Variants in KCNG3 observed in about 807,000 individuals in gnomAD.
KCNG3 encodes the protein potassium voltage-gated channel modifier subfamily G member 3, also known as voltage-gated potassium channel regulatory subunit KCNG3.
KCNG3 carries 15 observed loss-of-function variants against 29.0 expected under a neutral mutation model. The observed-to-expected ratio is 0.52, with a 90% CI of 0.35 to 0.80. The LOEUF (loss-of-function observed/expected upper bound fraction) is 0.80. KCNG3 is among the 30% of genes least tolerant of loss of function. KCNG3 has a pLI of 0.01. For synonymous variants in KCNG3, 322 were observed against 248.9 expected (o/e 1.29, Z -2.76); for missense variants, 512 against 605.7 (o/e 0.85, Z 1.62).
intron 1 of KCNG3, among the ~76,000 whole-genome samples, chr2:42,473,047 A>G (rs991858567): frequency 1.3e-5 from 2 of 150,822 alleles, no homozygotes; most frequent in Non-Finnish European, 3.0e-5. Flanking sequence ...GACTACAGGC[A>G]CCCGCCACCA....
chr2:42,470,391 G>C (rs1673257835), intron 1 of KCNG3: 1 of 211,766 alleles, frequency 4.7e-6, no homozygotes, highest in African/African-American at 2.4e-5. Flanking sequence ...GATATTTGCA[G>C]TCAGGCATTG....
intron 1 of KCNG3, among the ~76,000 whole-genome samples, chr2:42,448,497 G>C (rs767927446): frequency 6.6e-6 from 1 of 151,750 alleles, no homozygotes; most frequent in Non-Finnish European, 1.5e-5. Flanking sequence ...TAAAATTCTT[G>C]ATTTTCCACT....
the KCNG3 span, among the ~76,000 whole-genome samples, chr2:42,393,157 A>G: frequency 1.2e-3 from 187 of 152,278 alleles, no homozygotes; most frequent in Admixed American, 2.6e-3. Context: ...GAATTAACTT[A>G]GTACATAATC....
chr2:42,426,070 T>C, the KCNG3 span, among the ~76,000 whole-genome samples: 1 of 152,320 alleles, frequency 6.6e-6, no homozygotes, highest in South Asian at 2.1e-4. Flanking sequence ...ATAACAAAGT[T>C]AATTTTTATA....
At chr2:42,487,593 C>G (rs1673759509) in intron 1 of KCNG3, among the ~76,000 whole-genome samples, 1 of 152,060 alleles carries the variant, frequency 6.6e-6, no homozygotes, top group Non-Finnish European at 1.5e-5. Flanking sequence ...TTTCACTTTT[C>G]AGCATAGTAA....
At chr2:42,409,234 G>C in the KCNG3 span, among the ~76,000 whole-genome samples, 1 of 152,002 alleles carries the variant, frequency 6.6e-6, no homozygotes, top group Non-Finnish European at 1.5e-5. Context: ...TTGGGGAAAG[G>C]TACCACTGGC....
rs568281585 is a variant in KCNG3 at position 42,454,461 on chromosome 2, C to T, written c.666-9882G>A. On this transcript the variant is annotated intron_variant, in intron 1 of 1. Coordinates refer to ENST00000306078, the MANE Select transcript of KCNG3 (RefSeq NM_133329.6). Reference sequence around the variant, plus strand: ...GCATGGTGGCTCACTCCTGTAATCCCAGCACTTTGGGAGGCCGAGGCGGGC... The same window carrying T: ...GCATGGTGGCTCACTCCTGTAATCCTAGCACTTTGGGAGGCCGAGGCGGGC... 1.7e-4 allele frequency among the ~76,000 whole-genome samples: 26 copies of T among 152,246 alleles called. 2 individuals are homozygous for T. The highest frequency in any genetic ancestry group is 1.4e-3 in the Admixed American group (21 of 15,302).
At chr2:42,411,326 T>C in the KCNG3 span, among the ~76,000 whole-genome samples, 1 of 152,210 alleles carries the variant, frequency 6.6e-6, no homozygotes, top group South Asian at 2.1e-4. Flanking sequence ...TCAGCATTTT[T>C]ATTGCTCCTA....
the KCNG3 span, among the ~76,000 whole-genome samples, chr2:42,400,748 A>G: frequency 0.27 from 41,233 of 152,026 alleles, 5,748 homozygotes; most frequent in South Asian, 0.4. Flanking sequence ...GTTTTTATCC[A>G]GGAGCAAAAA....
the KCNG3 span, among the ~76,000 whole-genome samples, chr2:42,405,063 A>G: frequency 6.6e-6 from 1 of 152,222 alleles, no homozygotes; most frequent in East Asian, 1.9e-4. Flanking sequence ...AACTAGCAAA[A>G]TCTGATTCTC....
rs74369883 is a variant in KCNG3 at position 42,466,589 on chromosome 2, C to T, written c.666-22010G>A. On this transcript the variant is annotated intron_variant, in intron 1 of 1. Transcript: ENST00000306078. ...AGTACCATCTAGGTTTGTGTGAGGA[C>T]TCTCTATGACGTTCACAGAGCAAAG... is the stretch of plus-strand genomic sequence containing the variant. Among the ~76,000 whole-genome samples, 452 of 152,156 alleles carry T rather than the reference C, an allele frequency of 3.0e-3. 2 individuals are homozygous for T. The highest frequency in any genetic ancestry group is 9.6e-3 in the African/African-American group (398 of 41,492).
intron 1 of KCNG3, among the ~76,000 whole-genome samples, chr2:42,459,667 C>CTTAA (rs1183732782): frequency 3.9e-5 from 6 of 152,148 alleles, no homozygotes; most frequent in Non-Finnish European, 8.8e-5. Context: ...AAAGATAGAA[C>CTTAA]TTAAGCACAG....
In KCNG3 at chr2:42,450,344, A is replaced by C. The variant is rs534751633; in HGVS notation, c.666-5765T>G. On this transcript the variant is annotated intron_variant, in intron 1 of 1. Coordinates refer to ENST00000306078, the MANE Select transcript of KCNG3 (RefSeq NM_133329.6). Reference sequence around the variant, plus strand: ...GTGAGAAACCCCAGGCATCATTTTCACCTTCAATTATGCCAAGGCAGTCTC... The same window carrying C: ...GTGAGAAACCCCAGGCATCATTTTCCCCTTCAATTATGCCAAGGCAGTCTC... Among the ~76,000 whole-genome samples the C allele has an allele frequency of 2.1e-3, 323 of 152,264 alleles. 1 individual carries two copies. The highest frequency in any genetic ancestry group is 3.8e-3 in the Non-Finnish European group (256 of 68,012).
intron 1 of KCNG3, among the ~76,000 whole-genome samples, chr2:42,482,523 G>C (rs377732383): frequency 6.6e-6 from 1 of 152,136 alleles, no homozygotes; most frequent in African/African-American, 2.4e-5. Flanking sequence ...AGGAGTTCAA[G>C]ACCAGCCTAG....
At chr2:42,396,111 T>C in the KCNG3 span, among the ~76,000 whole-genome samples, 2 of 152,356 alleles carry the variant, frequency 1.3e-5, no homozygotes, top group South Asian at 2.1e-4. Context: ...GAATGTCTCA[T>C]GTAATTTATC....
At position 42,454,075 on chromosome 2, in the gene KCNG3, T is replaced by C. The variant is rs150301714; in HGVS notation, c.666-9496A>G. ...AGAAAAATGCAAATCAGAACCACAA[T>C]GAGGATGGCTACTATACCAAAAAAA... is the stretch of plus-strand genomic sequence containing the variant. On this transcript the variant is annotated intron_variant, in intron 1 of 1. Transcript: ENST00000306078. Among the ~76,000 whole-genome samples, 429 of 135,912 alleles carry C rather than the reference T, an allele frequency of 3.2e-3. 2 individuals are homozygous for C. The highest frequency in any genetic ancestry group is 0.012 in the African/African-American group (412 of 34,856). The allele number at this position is 135,912 out of a possible 152,430, so 89.2% of individuals were successfully genotyped here. A position where few individuals can be genotyped will look rare whatever the true frequency, so the allele number is the denominator to read the frequency against.
At position 42,493,528 on chromosome 2, in the gene KCNG3, C is replaced by T. The variant is rs1673973162; in HGVS notation, c.-27G>A. On this transcript the variant is annotated 5_prime_UTR_variant, in exon 1 of 2. Coordinates refer to ENST00000306078, the MANE Select transcript of KCNG3 (RefSeq NM_133329.6). The stretch of plus-strand genomic sequence containing the variant: ...GCTGGCCGCCCGGGGGACTTTCGGC[C>T]CGAGGGCCCCGCTGCAGCCCCCCAC... 1 of 1,338,920 alleles carries T rather than the reference C, an allele frequency of 7.5e-7. No individual in the cohort carries two copies. The highest frequency in any genetic ancestry group is 1.5e-5 in the African/African-American group (1 of 64,742). 82.9% of individuals were successfully genotyped at this position (1,338,920 alleles called of 1,614,324 possible).
intron 1 of KCNG3, among the ~76,000 whole-genome samples, chr2:42,451,712 C>T (rs1018314866): frequency 6.6e-6 from 1 of 151,834 alleles, no homozygotes; most frequent in East Asian, 1.9e-4. Flanking sequence ...GGCGACAGAG[C>T]AAGACTTTGT....
chr2:42,484,840 C>T (rs1408041963), intron 1 of KCNG3, among the ~76,000 whole-genome samples: 1 of 152,178 alleles, frequency 6.6e-6, no homozygotes, highest in East Asian at 1.9e-4. Flanking sequence ...AGCCTGTACA[C>T]ATTAAAAGAA....
Sources: allele counts gnomAD v4.1 joint callset (sites outside exome capture counted in the v4.1 genomes callset), GRCh38; gene constraint gnomAD v4.1.1; transcripts MANE v1.5; gene names NCBI Gene and HGNC (gene_info 2026-07-23, HGNC 2026-07-21).